The following TCF7L1 variants were observed in gnomAD, a reference collection of about 807,000 sequenced individuals.
TCF7L1 encodes transcription factor 7-like 1.
Under a neutral mutation model 63.7 loss-of-function variants are expected in TCF7L1, and 18 were observed. That is an observed-to-expected ratio of 0.28 (90% CI 0.20 to 0.42). The LOEUF (loss-of-function observed/expected upper bound fraction) is 0.42, where lower values mean the gene tolerates loss of function less well. TCF7L1 is among the 10% of genes least tolerant of loss of function. The pLI is 1.00. For synonymous variants in TCF7L1, 355 were observed against 340.9 expected (o/e 1.04, Z -0.46); for missense variants, 654 against 779.3 (o/e 0.84, Z 1.91).
intron 3 of TCF7L1, among the ~76,000 whole-genome samples, chr2:85,233,561 G>A (rs189715444): frequency 0.014 from 2,182 of 151,232 alleles, 27 homozygotes; most frequent in Middle Eastern, 0.031. Context: ...TGATCTGCCC[G>A]CCTCAGCCTC....
At chr2:85,249,000 G>GAA (rs146382976) in intron 3 of TCF7L1, among the ~76,000 whole-genome samples, 23 of 148,764 alleles carry the variant, frequency 1.5e-4, no homozygotes, top group Non-Finnish European at 1.8e-4. Context: ...CTTGGGGAGG[G>GAA]AAAAAAAAAA....
intron 3 of TCF7L1, among the ~76,000 whole-genome samples, chr2:85,245,584 G>T: frequency 6.6e-6 from 1 of 151,964 alleles, no homozygotes; most frequent in Non-Finnish European, 1.5e-5. Context: ...AGGCCGAGGC[G>T]GGCAGATCAC....
intron 3 of TCF7L1, among the ~76,000 whole-genome samples, chr2:85,221,500 G>A (rs955034884): frequency 1.3e-5 from 2 of 152,190 alleles, no homozygotes; most frequent in Non-Finnish European, 2.9e-5. Context: ...GCATAGTGCC[G>A]ACATCTGCTC....
intron 4 of TCF7L1, among the ~76,000 whole-genome samples, chr2:85,284,992 G>T (rs1380009691): frequency 6.6e-6 from 1 of 152,194 alleles, no homozygotes; most frequent in East Asian, 1.9e-4. Context: ...CCAGCACTTT[G>T]GGAGGCCGAG....
chr2:85,309,400 C>G lies in TCF7L1; in HGVS notation c.1705C>G (p.His569Asp). 1 of 1,590,800 alleles carries G rather than the reference C, an allele frequency of 6.3e-7. No individual in the cohort carries two copies. The highest frequency in any genetic ancestry group is 8.6e-7 in the Non-Finnish European group (1 of 1,167,638). ...PPSFPATLHA[H>D]QALPVLQAQP... Reference sequence around the variant, plus strand: ...GTCCTTCCCCGCCACGCTCCATGCCCACCAGGCCCTCCCGGTGCTACAGGC... The same window carrying G: ...GTCCTTCCCCGCCACGCTCCATGCCGACCAGGCCCTCCCGGTGCTACAGGC... Residue 569 changes from histidine (H) to aspartate (D), a missense_variant, in exon 12 of 12, where the codon CAC becomes GAC. His to Asp is a moderately conservative substitution (Grantham distance 81). Coordinates refer to ENST00000282111, the MANE Select transcript of TCF7L1 (RefSeq NM_031283.3).
At chr2:85,304,211 C>G in intron 6 of TCF7L1, 44 bp from the exon 7 acceptor site, 2 of 1,586,696 alleles carry the variant, frequency 1.3e-6, no homozygotes, top group Non-Finnish European at 1.7e-6. Context: ...TTCCTCTGCC[C>G]TGAGCTTTCC....
chr2:85,248,820 G>T (rs543861553), intron 3 of TCF7L1, among the ~76,000 whole-genome samples: 1 of 152,302 alleles, frequency 6.6e-6, no homozygotes, highest in African/African-American at 2.4e-5. Flanking sequence ...CACCCAGGTG[G>T]CAGTCAGTTC....
At chr2:85,234,178 C>A (rs1351991202) in intron 3 of TCF7L1, among the ~76,000 whole-genome samples, 1 of 140,462 alleles carries the variant, frequency 7.1e-6, no homozygotes, top group Non-Finnish European at 1.5e-5. Flanking sequence ...GCTCTTTCGC[C>A]AGGCTGGAGT....
chr2:85,169,889 T>C (rs78451884), intron 3 of TCF7L1, among the ~76,000 whole-genome samples: 2 of 152,214 alleles, frequency 1.3e-5, no homozygotes, highest in South Asian at 2.1e-4. Context: ...GCAATCAGGA[T>C]TTTTTAAGAT....
chr2:85,266,596 C>T lies in TCF7L1; in HGVS notation c.442-16899C>T, dbSNP rs181559208. 4.3e-3 allele frequency among the ~76,000 whole-genome samples: 650 copies of T among 152,336 alleles called. 5 individuals carry two copies. The highest frequency in any genetic ancestry group is 0.014 in the African/African-American group (601 of 41,584). On this transcript the variant is annotated intron_variant, in intron 3 of 11. Transcript: ENST00000282111. ...TGCAGCAGGTATCCTTGTCCAGGGC[C>T]TTTGTTTCCCGCTGGTCATTGGTCC... is the stretch of plus-strand genomic sequence containing the variant.
chr2:85,144,609 A>G lies in TCF7L1; in HGVS notation c.441+10159A>G, dbSNP rs538120355. 4.6e-5 allele frequency among the ~76,000 whole-genome samples: 7 copies of G among 152,120 alleles called. 1 individual carries two copies. Among genetic ancestry groups the G allele is most frequent in the African/African-American group, 1.7e-4 (7 of 41,486 alleles). ...AGAGTAAGACCCTGTCTCAAAAAAA[A>G]AATTTTTTTTGAACAATAAAGAAAT... On this transcript the variant is annotated intron_variant, in intron 3 of 11. Coordinates refer to ENST00000282111, the MANE Select transcript of TCF7L1 (RefSeq NM_031283.3).
rs149593756 is a variant in TCF7L1, at chr2:85,174,755, A to G, written c.441+40305A>G. Among the ~76,000 whole-genome samples the G allele has an allele frequency of 7.0e-3, 1,058 of 152,228 alleles. 13 individuals are homozygous for G. The highest frequency in any genetic ancestry group is 0.023 in the African/African-American group (966 of 41,532). ...TTCTCTTCAGTTTTCACTCCTGCCC[A>G]ACTGGTTTCTTCGCAGTCTATGCCC... is the stretch of plus-strand genomic sequence containing the variant. On this transcript the variant is annotated intron_variant, in intron 3 of 11. Coordinates refer to ENST00000282111, the MANE Select transcript of TCF7L1 (RefSeq NM_031283.3).
At chr2:85,308,493 TCCCCCCCTC>T (rs1558663609) in intron 11 of TCF7L1, among the ~76,000 whole-genome samples, 2 of 56,866 alleles carry the variant, frequency 3.5e-5, no homozygotes, top group Non-Finnish European at 6.7e-5. Context: ...TTCCCTCCCT[TCCCCCCCTC>T]CCTTTCTTCT....
chr2:85,273,825 G>A (rs576391334), intron 3 of TCF7L1, among the ~76,000 whole-genome samples: 1 of 152,208 alleles, frequency 6.6e-6, no homozygotes, highest in Non-Finnish European at 1.5e-5. Context: ...TATGGGACCA[G>A]CCCTACTATG....
Position 85,284,048 on chromosome 2 carries a change from T to C in TCF7L1, c.525+470T>C, listed in dbSNP as rs184086776. Among the ~76,000 whole-genome samples the C allele has an allele frequency of 1.1e-4, 17 of 152,348 alleles. 1 individual carries two copies. The East Asian group carries it at 2.5e-3, about 22-fold the overall frequency. ...TTTTTTGAGACGGAGTCTCGCTCTT[T>C]TGCCCAGGCTGGAGTGCAGTGGCAC... On this transcript the variant is annotated intron_variant, in intron 4 of 11. Transcript: ENST00000282111.
At chr2:85,219,876 G>C (rs554616848) in intron 3 of TCF7L1, among the ~76,000 whole-genome samples, 2 of 152,172 alleles carry the variant, frequency 1.3e-5, no homozygotes, top group African/African-American at 4.8e-5. Context: ...TGAGGGTAAG[G>C]TGTTACAATG....
intron 3 of TCF7L1, among the ~76,000 whole-genome samples, chr2:85,252,762 A>C (rs941135099): frequency 6.6e-6 from 1 of 152,190 alleles, no homozygotes; most frequent in African/African-American, 2.4e-5. Flanking sequence ...CAGGGAGCCC[A>C]ACCTCAGCAC....
At chr2:85,159,051 G>A (rs893761878) in intron 3 of TCF7L1, among the ~76,000 whole-genome samples, 1 of 152,214 alleles carries the variant, frequency 6.6e-6, no homozygotes, top group African/African-American at 2.4e-5. Context: ...ACCCGGCTTT[G>A]TGGTAGAGGA....
At chr2:85,200,494 A>G (rs1304617744) in intron 3 of TCF7L1, among the ~76,000 whole-genome samples, 3 of 152,248 alleles carry the variant, frequency 2.0e-5, no homozygotes, top group Admixed American at 1.3e-4. Context: ...TATTAATACC[A>G]TAAGTTTACA....
Sources: allele counts gnomAD v4.1 joint callset (sites outside exome capture counted in the v4.1 genomes callset), GRCh38; gene constraint gnomAD v4.1.1; transcripts MANE v1.5; gene names NCBI Gene and HGNC (gene_info 2026-07-23, HGNC 2026-07-21).